The following ZNF600 variants were observed in gnomAD, a reference collection of about 807,000 sequenced individuals.
ZNF600 encodes zinc finger protein KR-ZNF1.
A neutral mutation model predicts 7.3 loss-of-function variants in ZNF600; 4 were observed. The ratio of observed to expected loss-of-function variants is 0.55; its 90% CI spans 0.27 to 1.25. The LOEUF (loss-of-function observed/expected upper bound fraction) is 1.25. Ranked by LOEUF, ZNF600 falls within the 50% of genes most tolerant of loss-of-function variation. The probability of loss-of-function intolerance (pLI) is 0.12; values close to 1 mark genes in which losing one functional copy is unlikely to be tolerated. For missense variants in ZNF600, 911 were observed against 922.1 expected (o/e 0.99, Z 0.16); for synonymous variants, 290 against 308.9 (o/e 0.94, Z 0.64).
chr19:52,793,020 G>A, the ZNF600 span, among the ~76,000 whole-genome samples: 1 of 151,988 alleles, frequency 6.6e-6, no homozygotes, highest in African/African-American at 2.4e-5. Flanking sequence ...ACAGGCGTGA[G>A]CCACTGCACC....
exon 1 of ZNF600, chr19:52,786,726 C>T: frequency 2.7e-6 from 1 of 367,028 alleles, no homozygotes; most frequent in Non-Finnish European, 5.8e-6. Flanking sequence ...CAGAGCAAAA[C>T]TCACGCGCCG....
intron 1 of ZNF600, among the ~76,000 whole-genome samples, chr19:52,783,485 C>T (rs1404934167): frequency 6.6e-6 from 1 of 152,096 alleles, no homozygotes; most frequent in Non-Finnish European, 1.5e-5. Flanking sequence ...CCTCAGCCTC[C>T]GGAGCAGCCG....
intron 3 of ZNF600, among the ~76,000 whole-genome samples, chr19:52,773,493 C>A (rs533575828): frequency 6.6e-6 from 1 of 151,858 alleles, no homozygotes; most frequent in Non-Finnish European, 1.5e-5. Flanking sequence ...ATAAGTAAAC[C>A]CTATGAAGAG....
the ZNF600 span, among the ~76,000 whole-genome samples, chr19:52,796,275 GC>G: frequency 6.6e-6 from 1 of 152,182 alleles, no homozygotes; most frequent in Non-Finnish European, 1.5e-5. Flanking sequence ...GACGATGTGT[GC>G]CCAAGGTGTT....
At chr19:52,776,934 C>G (rs1190513500) in intron 2 of ZNF600, among the ~76,000 whole-genome samples, 1 of 152,064 alleles carries the variant, frequency 6.6e-6, no homozygotes. Flanking sequence ...TCAGAGGCTA[C>G]AGTGAAACAA....
intron 1 of ZNF600, 106 bp from the exon 4 acceptor site, chr19:52,779,013 C>A: frequency 1.0e-6 from 1 of 993,520 alleles, no homozygotes; most frequent in Non-Finnish European, 1.4e-6. Flanking sequence ...AGAAGTCCCC[C>A]ACCGCCCACT....
the ZNF600 span, among the ~76,000 whole-genome samples, chr19:52,794,670 G>C: frequency 2.0e-5 from 3 of 152,082 alleles, no homozygotes; most frequent in East Asian, 3.9e-4. Context: ...CGTGGGAGAC[G>C]TGGTGAAACC....
chr19:52,766,162 T>C lies in ZNF600; in HGVS notation c.1801A>G (p.Ser601Gly), dbSNP rs751384742. Residue 601 changes from serine to glycine, a missense_variant, in exon 4 of 4, where the codon AGC (serine) becomes GGC (glycine). Coordinates refer to ENST00000648973, the Ensembl canonical transcript of ZNF600. ...TATGACCTCTGACTGAAGGTCTTGCTGCACTCATTACACTTGTAAGGTTTC... is the reference window on the plus strand; with the variant it reads ...TATGACCTCTGACTGAAGGTCTTGCCGCACTCATTACACTTGTAAGGTTTC... 29 of 1,613,884 alleles carry C rather than the reference T, an allele frequency of 1.8e-5. No individual in the cohort carries two copies. The East Asian group carries it at 6.2e-4, about 35-fold the overall frequency.
At chr19:52,831,572 G>A in the ZNF600 span, among the ~76,000 whole-genome samples, 6 of 151,578 alleles carry the variant, frequency 4.0e-5, no homozygotes, top group East Asian at 1.9e-4. Context: ...GTGCGATCTC[G>A]GCTCACTGCA....
the ZNF600 span, chr19:52,798,317 A>G: frequency 3.4e-6 from 1 of 297,278 alleles, no homozygotes; most frequent in Non-Finnish European, 6.5e-6. Flanking sequence ...CTTAACATAA[A>G]CAGTTTAATG....
the ZNF600 span, among the ~76,000 whole-genome samples, chr19:52,824,454 G>A: frequency 1.3e-5 from 2 of 152,114 alleles, no homozygotes; most frequent in Non-Finnish European, 2.9e-5. Flanking sequence ...GGCCAACAGG[G>A]TAAAACCCCA....
the ZNF600 span, chr19:52,799,702 C>T: frequency 6.4e-7 from 1 of 1,571,108 alleles, no homozygotes; most frequent in South Asian, 1.1e-5. Flanking sequence ...GGTTTCTCTC[C>T]ACTATGAAGT....
In ZNF600 at chr19:52,772,961, A is replaced by G. The variant is rs1360025494; in HGVS notation, c.190+1614T>C. ...TGCTGAGTCATGATGCCCTGCACACACTGATTTAAGCGGCCTCCTATAATT... is the reference window on the plus strand; with the variant it reads ...TGCTGAGTCATGATGCCCTGCACACGCTGATTTAAGCGGCCTCCTATAATT... On this transcript the variant is annotated intron_variant, in intron 3 of 3. Coordinates refer to ENST00000648973, the Ensembl canonical transcript of ZNF600. 2.6e-5 allele frequency among the ~76,000 whole-genome samples: 4 copies of G among 152,330 alleles called. No individual in the cohort carries two copies. The East Asian group carries it at 5.8e-4, about 22-fold the overall frequency.
chr19:52,805,937 A>T, the ZNF600 span: 1 of 152,162 alleles, frequency 6.6e-6, no homozygotes, highest in African/African-American at 2.4e-5. Context: ...CTGAGATCGC[A>T]GCATCGTACT....
intron 3 of ZNF600, 117 bp downstream of exon 5, chr19:52,774,458 C>CAA (rs35098902): frequency 0.03 from 24,139 of 805,906 alleles, 1 homozygote; most frequent in Non-Finnish European, 0.033. Context: ...AAAAAACAAC[C>CAA]AAAAAAAAAA....
the ZNF600 span, among the ~76,000 whole-genome samples, chr19:52,816,556 T>C: frequency 6.9e-6 from 1 of 144,408 alleles, no homozygotes; most frequent in Non-Finnish European, 1.5e-5. Flanking sequence ...CCCAGCTACT[T>C]GGGAGGCTGA....
At chr19:52,801,143 C>G in the ZNF600 span, 3 of 1,614,002 alleles carry the variant, frequency 1.9e-6, no homozygotes, top group Non-Finnish European at 2.5e-6. Flanking sequence ...AGTGGGTTAT[C>G]TGATGTTTTT....
At chr19:52,809,709 G>C in the ZNF600 span, 1 of 389,598 alleles carries the variant, frequency 2.6e-6, no homozygotes, top group Non-Finnish European at 4.6e-6. Flanking sequence ...GAGAGGCTGA[G>C]GCAGCAAAAC....
At chr19:52,779,115 G>A (rs1401777897) in intron 1 of ZNF600, among the ~76,000 whole-genome samples, 1 of 152,148 alleles carries the variant, frequency 6.6e-6, no homozygotes, top group Non-Finnish European at 1.5e-5. Context: ...CCCTCCTGGA[G>A]AAGCCCCCAC....
Sources: gnomAD v4.1 joint callset for allele counts (sites outside exome capture counted in the v4.1 genomes callset) on GRCh38, gnomAD v4.1.1 for gene constraint, MANE v1.5 for transcripts, NCBI Gene and HGNC (gene_info 2026-07-23, HGNC 2026-07-21) for gene names.